VRK2: variants seen among roughly 807,000 people sequenced by gnomAD.
VRK2 encodes serine/threonine-protein kinase VRK2.
A neutral mutation model predicts 57.6 loss-of-function variants in VRK2; 60 were observed. That is an observed-to-expected ratio of 1.04 (90% CI 0.85 to 1.29). The LOEUF is 1.29. VRK2 is among the 50% of genes most tolerant of loss of function. VRK2 has a pLI of 0.00. For synonymous variants in VRK2, 231 were observed against 199.2 expected (o/e 1.16, Z -1.35); for missense variants, 705 against 588.1 (o/e 1.20, Z -2.06).
chr2:58,008,769 G>C (rs1482394589), intron 1 of VRK2, among the ~76,000 whole-genome samples: 2 of 152,112 alleles, frequency 1.3e-5, no homozygotes, highest in African/African-American at 4.8e-5. Flanking sequence ...AAGGAGGAAA[G>C]AGGATGTCTT....
Position 57,961,623 on chromosome 2 carries a change from A to ACC in VRK2, c.-439+53794_-439+53795dup, listed in dbSNP as rs10588765. ...ATCTATGCTGTCTCCCACTGTACCC[A>ACC]CCCCCCCCCCCACTTATTACTCTGA... On this transcript the variant is annotated intron_variant, in intron 1 of 15. Coordinates refer to the VRK2 transcript ENST00000417641. Among the ~76,000 whole-genome samples, 524 of 95,736 alleles carry ACC rather than the reference A, an allele frequency of 5.5e-3. 5 individuals carry two copies. Among genetic ancestry groups the ACC allele is most frequent in the African/African-American group, 8.3e-3 (208 of 24,934 alleles). The allele number at this position is 95,736 out of a possible 152,430, so 62.8% of individuals were successfully genotyped here. A position where few individuals can be genotyped will look rare whatever the true frequency, so the allele number is the denominator to read the frequency against.
intron 1 of VRK2, among the ~76,000 whole-genome samples, chr2:57,936,034 G>A (rs987986076): frequency 6.6e-6 from 1 of 152,088 alleles, no homozygotes; most frequent in African/African-American, 2.4e-5. Flanking sequence ...GTGATGGTAG[G>A]AAGCTCCTAT....
At chr2:57,926,668 C>T (rs1482457895) in intron 1 of VRK2, among the ~76,000 whole-genome samples, 1 of 151,648 alleles carries the variant, frequency 6.6e-6, no homozygotes. Context: ...AAAGCTACTC[C>T]TGCTCTGTTT....
At chr2:58,095,953 C>T (rs776000425) in intron 7 of VRK2, among the ~76,000 whole-genome samples, 4 of 151,986 alleles carry the variant, frequency 2.6e-5, no homozygotes, top group Non-Finnish European at 4.4e-5. Flanking sequence ...TTTATAAAGT[C>T]AAGAAAATAT....
At position 58,068,193 on chromosome 2, in the gene VRK2, G is replaced by A. The variant is rs146063803; in HGVS notation, c.137-15896G>A. ...GATCTGTCCACCTTGGCCTCCCAAA[G>A]TGCTGGGATTACAGGCTTTTGTACT... On this transcript the variant is annotated intron_variant, in intron 2 of 12. Coordinates refer to ENST00000340157, the MANE Select transcript of VRK2 (RefSeq NM_006296.7). Among the ~76,000 whole-genome samples, 850 of 152,290 alleles carry A rather than the reference G, an allele frequency of 5.6e-3. 7 individuals are homozygous for A. Among genetic ancestry groups the A allele is most frequent in the Non-Finnish European group, 9.2e-3 (625 of 68,008 alleles).
At chr2:57,993,294 C>T (rs375207055) in intron 1 of VRK2, among the ~76,000 whole-genome samples, 3 of 152,076 alleles carry the variant, frequency 2.0e-5, no homozygotes, top group African/African-American at 7.2e-5. Context: ...TGGTACTTAA[C>T]ATCATAAAAG....
chr2:58,029,276 C>T (rs1349072404), intron 2 of VRK2, among the ~76,000 whole-genome samples: 1 of 151,954 alleles, frequency 6.6e-6, no homozygotes, highest in East Asian at 1.9e-4. Flanking sequence ...ATTTGCATCT[C>T]CAATTTTCTT....
chr2:58,011,695 T>C (rs1673423343), intron 1 of VRK2, among the ~76,000 whole-genome samples: 2 of 152,186 alleles, frequency 1.3e-5, no homozygotes, highest in South Asian at 4.1e-4. Flanking sequence ...TGACATTTTA[T>C]TTTGCAAACA....
intron 2 of VRK2, among the ~76,000 whole-genome samples, chr2:58,072,709 TTTG>T (rs1669529200): frequency 2.6e-5 from 4 of 152,112 alleles, no homozygotes; most frequent in African/African-American, 9.6e-5. Context: ...GAGATATTGA[TTTG>T]TAGTTTTTTT....
At position 58,159,197 on chromosome 2, in the gene VRK2, A is replaced by T. The variant is rs1315826969; in HGVS notation, c.1183-152A>T. 8.7e-6 allele frequency: 5 copies of T among 578,018 alleles called. No individual in the cohort carries two copies. In the African/African-American group the frequency reaches 9.4e-5, roughly 11 times the overall value. 35.8% of individuals were successfully genotyped at this position (578,018 alleles called of 1,614,324 possible). A position where few individuals can be genotyped will look rare whatever the true frequency, so the allele number is the denominator to read the frequency against. ...CTCTTAAAAAGTGTAAATCTTTAAG[A>T]TCTTTACCTAAAAATTACTTCTCAG... On this transcript the variant is annotated intron_variant, in intron 12 of 12. Transcript: ENST00000340157.
At chr2:58,005,844 A>T (rs975769116) in intron 1 of VRK2, among the ~76,000 whole-genome samples, 7 of 152,172 alleles carry the variant, frequency 4.6e-5, no homozygotes, top group Non-Finnish European at 1.0e-4. Flanking sequence ...ACAGTAGAAG[A>T]GACCTCCCCA....
chr2:58,054,390 G>GT (rs542701260), intron 2 of VRK2, among the ~76,000 whole-genome samples: 10,680 of 144,856 alleles, frequency 0.074, 432 homozygotes, highest in Middle Eastern at 0.096. Flanking sequence ...AGTGGTCAAG[G>GT]TTTTTTTTTT....
rs751662781 is a variant in VRK2, at chr2:58,123,201, A to G, written c.644A>G (p.Glu215Gly). The G allele has an allele frequency of 3.1e-6, 5 of 1,588,506 alleles. No homozygotes were observed. The Middle Eastern group carries it at 5.0e-4, about 158-fold the overall frequency. ...NPRKGHNGTI[E>G]FTSLDAHKGV... ...AGAAAAGGCCATAATGGGACAATAG[A>G]GTTTACCAGCTTGGATGCCCACAAG... Residue 215 changes from glutamate to glycine, a missense_variant, in exon 8 of 13, where the codon GAG becomes GGG. By Grantham distance (98) the Glu-to-Gly change is moderately conservative. Transcript: ENST00000340157.
intron 1 of VRK2, among the ~76,000 whole-genome samples, chr2:57,994,304 TA>T (rs1672859074): frequency 6.6e-6 from 1 of 152,172 alleles, no homozygotes; most frequent in Non-Finnish European, 1.5e-5. Flanking sequence ...AAAATTGACA[TA>T]ACATTATAAC....
intron 12 of VRK2, among the ~76,000 whole-genome samples, chr2:58,150,547 GGTTTTTTTTTTTTA>G (rs1682848476): frequency 8.6e-6 from 1 of 116,800 alleles, no homozygotes; most frequent in South Asian, 2.5e-4. Context: ...GACCAGCTTT[GGTTTTTTTTTTTTA>G]GTTTTTTTTT....
intron 2 of VRK2, among the ~76,000 whole-genome samples, chr2:58,028,129 G>A (rs375366544): frequency 2.6e-4 from 40 of 152,112 alleles, no homozygotes; most frequent in African/African-American, 8.4e-4. Flanking sequence ...ACCTGGACTC[G>A]CCAGCTATTT....
intron 12 of VRK2, chr2:58,147,195 C>T (rs770547182): frequency 1.2e-5 from 6 of 517,924 alleles, no homozygotes; most frequent in East Asian, 1.1e-4. Flanking sequence ...CTAAACTGAG[C>T]ACTGAATTTG....
At chr2:58,046,596 T>G (rs1572829846), upstream of VRK2, 1 of 985,392 alleles carries the variant, frequency 1.0e-6, no homozygotes, top group African/African-American at 1.7e-5. Flanking sequence ...CAGCTCCCAT[T>G]CCCCATGTAG....
At chr2:57,974,877 G>A (rs1353769589) in intron 1 of VRK2, among the ~76,000 whole-genome samples, 1 of 151,578 alleles carries the variant, frequency 6.6e-6, no homozygotes, top group Non-Finnish European at 1.5e-5. Context: ...CAATATAAAA[G>A]CTATTTATAT....
Sources: allele counts gnomAD v4.1 joint callset (sites outside exome capture counted in the v4.1 genomes callset), GRCh38; gene constraint gnomAD v4.1.1; transcripts MANE v1.5; gene names NCBI Gene and HGNC (gene_info 2026-07-23, HGNC 2026-07-21).